SGSM1: variants seen among roughly 807,000 people sequenced by gnomAD.
SGSM1 encodes small G protein signaling modulator 1.
SGSM1 carries 73 observed loss-of-function variants against 133.8 expected under a neutral mutation model. That is an observed-to-expected ratio of 0.55 (90% CI 0.45 to 0.66). The LOEUF (loss-of-function observed/expected upper bound fraction) is 0.66. Ranked by LOEUF, SGSM1 falls within the 30% of genes least tolerant of loss-of-function variation. The probability of loss-of-function intolerance (pLI) is 0.00; values close to 1 mark genes in which losing one functional copy is unlikely to be tolerated. For synonymous variants in SGSM1, 563 were observed against 573.0 expected (o/e 0.98, Z 0.25); for missense variants, 1,213 against 1,448.1 (o/e 0.84, Z 2.64).
chr22:24,923,365 T>A (rs1256136669), intron 24 of SGSM1, among the ~76,000 whole-genome samples: 1 of 152,172 alleles, frequency 6.6e-6, no homozygotes, highest in Non-Finnish European at 1.5e-5. Context: ...CTTTTTTTTC[T>A]TTCTACTAAA....
intron 15 of SGSM1, among the ~76,000 whole-genome samples, chr22:24,886,397 C>CAAGAA (rs1932601912): frequency 6.6e-6 from 1 of 151,316 alleles, no homozygotes; most frequent in South Asian, 2.1e-4. Flanking sequence ...CGCTCTGTCT[C>CAAGAA]AAAGAGAAGA....
intron 4 of SGSM1, among the ~76,000 whole-genome samples, chr22:24,849,413 C>T (rs1432126328): frequency 1.3e-5 from 2 of 151,998 alleles, no homozygotes; most frequent in Non-Finnish European, 2.9e-5. Flanking sequence ...ATTAGCTGGG[C>T]GTGGTGGTGC....
intron 2 of SGSM1, among the ~76,000 whole-genome samples, chr22:24,841,755 CTGTTTTTTGTT>C (rs112146841): frequency 9.2e-5 from 14 of 152,142 alleles, no homozygotes; most frequent in African/African-American, 2.7e-4. Flanking sequence ...GAAGTTGGTG[CTGTTTTTTGTT>C]TGTTTTTTGT....
intron 22 of SGSM1, among the ~76,000 whole-genome samples, chr22:24,915,465 C>G (rs1415155393): frequency 6.6e-6 from 1 of 152,204 alleles, no homozygotes; most frequent in Non-Finnish European, 1.5e-5. Context: ...ACACACCATC[C>G]TCACTTGATA....
chr22:24,870,195 C>T (rs981150235), intron 12 of SGSM1, among the ~76,000 whole-genome samples: 1 of 152,202 alleles, frequency 6.6e-6, no homozygotes, highest in Non-Finnish European at 1.5e-5. Context: ...GCCTCCCAGC[C>T]ACTCCATGGA....
chr22:24,910,455 C>T (rs1933578769), intron 21 of SGSM1, among the ~76,000 whole-genome samples: 1 of 151,854 alleles, frequency 6.6e-6, no homozygotes, highest in Non-Finnish European at 1.5e-5. Flanking sequence ...TGAGACCAGC[C>T]TGAGCAACAT....
intron 16 of SGSM1, among the ~76,000 whole-genome samples, chr22:24,888,489 C>T (rs139723): frequency 0.18 from 27,643 of 151,964 alleles, 2,641 homozygotes; most frequent in Middle Eastern, 0.26. Flanking sequence ...CAGCTGGGGC[C>T]GGGCACGGTG....
At chr22:24,818,741 G>T (rs777248485) in intron 2 of SGSM1, among the ~76,000 whole-genome samples, 4 of 152,174 alleles carry the variant, frequency 2.6e-5, no homozygotes, top group Non-Finnish European at 5.9e-5. Context: ...CTGCAGAACG[G>T]TGTGATACAG....
intron 2 of SGSM1, among the ~76,000 whole-genome samples, chr22:24,816,241 G>A (rs1367136311): frequency 1.3e-5 from 2 of 152,206 alleles, no homozygotes; most frequent in East Asian, 3.9e-4. Context: ...GCTCAGAGAG[G>A]CTAAGAAACT....
At chr22:24,881,224 T>C (rs1390032685) in intron 14 of SGSM1, among the ~76,000 whole-genome samples, 4 of 110,808 alleles carry the variant, frequency 3.6e-5, no homozygotes, top group Admixed American at 2.9e-4. Context: ...ATGGAGATAA[T>C]AATAGTAACT....
At chr22:24,822,353 A>C (rs779123398) in intron 2 of SGSM1, among the ~76,000 whole-genome samples, 1 of 151,690 alleles carries the variant, frequency 6.6e-6, no homozygotes, top group African/African-American at 2.4e-5. Context: ...CGGCCTCCCA[A>C]AGTTCTGGGA....
At position 24,859,755 on chromosome 22, in the gene SGSM1, C is replaced by T; in HGVS notation, c.841C>T (p.His281Tyr). 1 of 1,613,970 alleles carries T rather than the reference C, an allele frequency of 6.2e-7. No individual in the cohort carries two copies. The highest frequency in any genetic ancestry group is 2.2e-5 in the East Asian group (1 of 44,884). The change falls in exon 9 of 25, where the codon CAC (histidine) becomes TAC (tyrosine). Residue 281 changes from histidine (H) to tyrosine (Y), a missense_variant. Transcript: ENST00000400358. ...MEAVPGYLSL[H>Y]QTADVMTLKW... ...GGCTGTGCCAGGGTACCTGTCCCTG[C>T]ACCAGACGGCTGACGTCATGACCTT...
At chr22:24,922,246 A>G (rs879782674) in intron 24 of SGSM1, among the ~76,000 whole-genome samples, 17 of 141,856 alleles carry the variant, frequency 1.2e-4, no homozygotes, top group African/African-American at 2.2e-4. Flanking sequence ...GCAGTAGCCA[A>G]TCCAGCTCAC....
chr22:24,904,144 T>C (rs1933275404), intron 20 of SGSM1, among the ~76,000 whole-genome samples: 1 of 152,176 alleles, frequency 6.6e-6, no homozygotes. Context: ...CTGTCTATGC[T>C]TCAGTCCCCT....
At chr22:24,923,513 C>T (rs958385660) in intron 24 of SGSM1, among the ~76,000 whole-genome samples, 1 of 152,116 alleles carries the variant, frequency 6.6e-6, no homozygotes, top group African/African-American at 2.4e-5. Flanking sequence ...TCTTTCCTCC[C>T]TCTGTTGCTT....
At chr22:24,879,604 G>T in intron 14 of SGSM1, 78 bp downstream of exon 14, 3 of 1,397,620 alleles carry the variant, frequency 2.1e-6, no homozygotes, top group East Asian at 2.4e-5. Flanking sequence ...AATATCAAAA[G>T]ATACTGGCTC....
chr22:24,819,927 T>C (rs1333977315), intron 2 of SGSM1, among the ~76,000 whole-genome samples: 2 of 152,166 alleles, frequency 1.3e-5, no homozygotes, highest in African/African-American at 4.8e-5. Context: ...GCCCCCAAGT[T>C]TGGCTGTCTT....
chr22:24,898,427 C>T lies in SGSM1; in HGVS notation c.2478C>T (p.Gly826=). Residue 826 remains glycine, a synonymous_variant, in exon 19 of 25, where the codon GGC becomes GGT. Coordinates refer to ENST00000400358, the MANE Select transcript of SGSM1 (RefSeq NM_001098497.3). ...GWRSSETEKH[G]QADSEDNLSE... is the part of the protein sequence containing the mutation. ...GGAGCAGCGAGACAGAGAAACATGG[C>T]CAGGCGGACAGTGAGGACAACCTCT... The T allele has an allele frequency of 6.2e-7, 1 of 1,613,784 alleles. No individual in the cohort carries two copies.
At chr22:24,865,227 A>G (rs1931379894) in intron 9 of SGSM1, among the ~76,000 whole-genome samples, 1 of 152,256 alleles carries the variant, frequency 6.6e-6, no homozygotes, top group African/African-American at 2.4e-5. Context: ...TGAACAAAGC[A>G]GAACCATTCT....
Sources: gnomAD v4.1 joint callset for allele counts (sites outside exome capture counted in the v4.1 genomes callset) on GRCh38, gnomAD v4.1.1 for gene constraint, MANE v1.5 for transcripts, NCBI Gene and HGNC (gene_info 2026-07-23, HGNC 2026-07-21) for gene names.